Variants in ZBTB16 observed in about 807,000 individuals in gnomAD.
The protein encoded by ZBTB16 is zinc finger and BTB domain-containing protein 16.
A neutral mutation model predicts 56.8 loss-of-function variants in ZBTB16; 8 were observed. That is an observed-to-expected ratio of 0.14 (90% CI 0.08 to 0.25). ZBTB16 has a LOEUF of 0.25. Ranked by LOEUF, ZBTB16 falls within the 10% of genes least tolerant of loss-of-function variation. The pLI is 1.00. For missense variants in ZBTB16, 625 were observed against 903.0 expected (o/e 0.69, Z 3.95); for synonymous variants, 363 against 368.5 (o/e 0.98, Z 0.17).
chr11:114,171,943 A>T (rs948421760), intron 3 of ZBTB16, among the ~76,000 whole-genome samples: 7 of 152,362 alleles, frequency 4.6e-5, no homozygotes, highest in African/African-American at 1.7e-4. Context: ...CAGGACGTTT[A>T]TGAAGGTGCT....
At chr11:114,179,043 A>G (rs190419824) in intron 3 of ZBTB16, among the ~76,000 whole-genome samples, 3 of 152,096 alleles carry the variant, frequency 2.0e-5, no homozygotes, top group African/African-American at 7.2e-5. Context: ...TCACCCTCCC[A>G]TCTTGTAGTG....
intron 4 of ZBTB16, among the ~76,000 whole-genome samples, chr11:114,202,672 T>G (rs1943761407): frequency 6.6e-6 from 1 of 152,244 alleles, no homozygotes; most frequent in Non-Finnish European, 1.5e-5. Flanking sequence ...ATATTTCATA[T>G]GCTGCAGTGA....
rs118064468 is a variant in ZBTB16 at position 114,168,225 on chromosome 11, C to T, written c.1366+11791C>T. 8.3e-4 allele frequency among the ~76,000 whole-genome samples: 126 copies of T among 152,274 alleles called. 1 individual carries two copies. In the East Asian group the frequency reaches 0.024, roughly 28 times the overall value. Reference sequence around the variant, plus strand: ...GTGAGTGAGCAGGCATGCGGATGGGCACATGGTAAGGAACAGACCTGAGGT... The same window carrying T: ...GTGAGTGAGCAGGCATGCGGATGGGTACATGGTAAGGAACAGACCTGAGGT... On this transcript the variant is annotated intron_variant, in intron 3 of 6. Transcript: ENST00000335953.
chr11:114,145,673 C>T lies in ZBTB16; in HGVS notation c.1269-10664C>T, dbSNP rs540368004. ...AATGGAGAGTGACTGCTAATGAGTA[C>T]GAGGTTTCTTTTCAGGGTGATGAAA... is the stretch of plus-strand genomic sequence containing the variant. On this transcript the variant is annotated intron_variant, in intron 2 of 6. Coordinates refer to ENST00000335953, the MANE Select transcript of ZBTB16 (RefSeq NM_006006.6). Among the ~76,000 whole-genome samples the T allele has an allele frequency of 1.4e-4, 22 of 152,232 alleles. 1 individual carries two copies. The highest frequency in any genetic ancestry group is 8.3e-4 in the South Asian group (4 of 4,818).
intron 4 of ZBTB16, among the ~76,000 whole-genome samples, chr11:114,229,880 G>T (rs1025245174): frequency 1.3e-5 from 2 of 152,180 alleles, no homozygotes; most frequent in Non-Finnish European, 2.9e-5. Flanking sequence ...GGTAATGATA[G>T]TTTGAATTGT....
At chr11:114,139,851 G>A (rs1031276988) in intron 2 of ZBTB16, among the ~76,000 whole-genome samples, 3 of 152,150 alleles carry the variant, frequency 2.0e-5, no homozygotes, top group Admixed American at 6.5e-5. Flanking sequence ...GGAGGAGGCC[G>A]GGGGAGCAAG....
At chr11:114,065,588 GA>G (rs1478313204) in intron 2 of ZBTB16, among the ~76,000 whole-genome samples, 1 of 152,084 alleles carries the variant, frequency 6.6e-6, no homozygotes, top group Non-Finnish European at 1.5e-5. Context: ...GGCTAATTTT[GA>G]ATTTTTAGTA....
intron 2 of ZBTB16, among the ~76,000 whole-genome samples, chr11:114,074,354 C>T (rs1939460798): frequency 6.6e-6 from 1 of 152,160 alleles, no homozygotes; most frequent in Admixed American, 6.5e-5. Context: ...ATCCATCGGG[C>T]CCACAGTGCT....
chr11:114,101,393 C>G (rs1459563853), intron 2 of ZBTB16, among the ~76,000 whole-genome samples: 1 of 152,146 alleles, frequency 6.6e-6, no homozygotes, highest in Non-Finnish European at 1.5e-5. Context: ...TATGATCCAG[C>G]CTTCCCTGCA....
chr11:114,218,295 C>T (rs1944154901), intron 4 of ZBTB16, among the ~76,000 whole-genome samples: 1 of 152,176 alleles, frequency 6.6e-6, no homozygotes, highest in South Asian at 2.1e-4. Context: ...GTTCATCATG[C>T]TTGGTTCTGT....
intron 2 of ZBTB16, among the ~76,000 whole-genome samples, chr11:114,148,383 TCCTTCCTCCTTCCCTC>T (rs1293962306): frequency 2.2e-4 from 27 of 123,474 alleles, no homozygotes; most frequent in African/African-American, 8.3e-4. Context: ...CTTCCTTCCT[TCCTTCCTCCTTCCCTC>T]CCTCCCTCCC....
chr11:114,225,962 T>C (rs1323563709), intron 4 of ZBTB16, among the ~76,000 whole-genome samples: 1 of 152,220 alleles, frequency 6.6e-6, no homozygotes, highest in Non-Finnish European at 1.5e-5. Context: ...CCAGAGATAC[T>C]AAGTGATTTG....
intron 2 of ZBTB16, among the ~76,000 whole-genome samples, chr11:114,076,971 T>TG (rs773359438): frequency 2.0e-4 from 31 of 152,204 alleles, no homozygotes; most frequent in East Asian, 5.8e-4. Flanking sequence ...ATTCAACGGC[T>TG]GGGGGGGAGA....
chr11:114,239,622 G>A (rs1264445547), intron 4 of ZBTB16, among the ~76,000 whole-genome samples: 7 of 152,188 alleles, frequency 4.6e-5, no homozygotes, highest in Non-Finnish European at 1.0e-4. Context: ...AAGCTGAGTA[G>A]ACTACTCAGC....
At chr11:114,076,237 C>A (rs1290754187) in intron 2 of ZBTB16, among the ~76,000 whole-genome samples, 1 of 152,132 alleles carries the variant, frequency 6.6e-6, no homozygotes, top group Non-Finnish European at 1.5e-5. Flanking sequence ...TCGTTGACAG[C>A]AGTTCAAGGA....
intron 4 of ZBTB16, among the ~76,000 whole-genome samples, chr11:114,215,757 CT>C (rs1218578355): frequency 1.3e-5 from 2 of 152,094 alleles, no homozygotes; most frequent in Non-Finnish European, 2.9e-5. Context: ...TAGCTTTTGT[CT>C]TTTTTTATGT....
At position 114,256,503 on chromosome 11, in the gene ZBTB16, A is replaced by T. The variant is rs1945019543; in HGVS notation, c.*5948A>T. Among the ~76,000 whole-genome samples, 1 of 152,228 alleles carries T rather than the reference A, an allele frequency of 6.6e-6. No homozygotes were observed. The highest frequency in any genetic ancestry group is 1.5e-5 in the Non-Finnish European group (1 of 68,038). Reference sequence around the variant, plus strand: ...ATACCAGGCCAGGTTCCTTTACTCCAGAGTTCTCAAAGCAGGGGTCTCACG... The same window carrying T: ...ATACCAGGCCAGGTTCCTTTACTCCTGAGTTCTCAAAGCAGGGGTCTCACG... On this transcript the variant is annotated 3_prime_UTR_variant, in exon 7 of 7. Transcript: ENST00000335953.
intron 2 of ZBTB16, among the ~76,000 whole-genome samples, chr11:114,066,266 G>C (rs2137660287): frequency 6.6e-6 from 1 of 152,308 alleles, no homozygotes; most frequent in Admixed American, 6.5e-5. Context: ...CGACAGCTCA[G>C]AGGCTTAACT....
chr11:114,114,007 C>A (rs1414511150), intron 2 of ZBTB16, among the ~76,000 whole-genome samples: 1 of 152,172 alleles, frequency 6.6e-6, no homozygotes, highest in Non-Finnish European at 1.5e-5. Context: ...TTCTTAGTGG[C>A]AGTAATGGGT....
Sources: gnomAD v4.1 joint callset for allele counts (sites outside exome capture counted in the v4.1 genomes callset) on GRCh38, gnomAD v4.1.1 for gene constraint, MANE v1.5 for transcripts, NCBI Gene and HGNC (gene_info 2026-07-23, HGNC 2026-07-21) for gene names.